ING5: variants seen among roughly 807,000 people sequenced by gnomAD.
ING5 encodes the protein inhibitor of growth protein 5.
In ING5, 17 loss-of-function variants were observed where a neutral mutation model predicts 37.4. The ratio of observed to expected loss-of-function variants is 0.45; its 90% CI spans 0.31 to 0.68. ING5 has a LOEUF of 0.68. Among genes scored for constraint, ING5 ranks in the 30% least tolerant of loss-of-function variants. The pLI, the probability that ING5 is intolerant of heterozygous loss-of-function variation, is 0.05. For missense variants in ING5, 233 were observed against 311.9 expected, an observed-to-expected ratio of 0.75 and a Z score of 1.91; for synonymous variants, 123 against 116.6, an observed-to-expected ratio of 1.06 and a Z score of -0.36.
chr2:241,713,106 G>T (rs2070163997), intron 5 of ING5, among the ~76,000 whole-genome samples: 1 of 150,880 alleles, frequency 6.6e-6, no homozygotes, highest in Non-Finnish European at 1.5e-5. Flanking sequence ...GCCCAAGCTG[G>T]AGTGCAATGG....
At chr2:241,698,792 G>C (rs2069669888), upstream of ING5, among the ~76,000 whole-genome samples, 2 of 152,112 alleles carry the variant, frequency 1.3e-5, no homozygotes, top group South Asian at 4.1e-4. Flanking sequence ...GCAATGGCAT[G>C]ATTTTGGCTC....
At chr2:241,719,128 G>A (rs1022568957) in intron 5 of ING5, among the ~76,000 whole-genome samples, 2 of 152,240 alleles carry the variant, frequency 1.3e-5, no homozygotes, top group Admixed American at 1.3e-4. Flanking sequence ...TGCCCCAGCG[G>A]CTTCCACAGT....
chr2:241,712,620 A>G (rs965913536), intron 5 of ING5, among the ~76,000 whole-genome samples: 2 of 152,204 alleles, frequency 1.3e-5, no homozygotes, highest in Admixed American at 6.6e-5. Flanking sequence ...AAGGTGTTGT[A>G]TACCCTCCAA....
Position 241,709,391 on chromosome 2 carries a change from G to C in ING5, c.276+9G>C. ...TGCAGACCTACGAGATGGTGAGGGC[G>C]GGGCGGGGGCCATGGCTCTTCCTCT... On this transcript the variant is annotated intron_variant, in intron 3 of 7. Coordinates refer to ENST00000313552, the MANE Select transcript of ING5 (RefSeq NM_032329.6). 1 of 1,607,138 alleles carries C rather than the reference G, an allele frequency of 6.2e-7. No homozygotes were observed. Among genetic ancestry groups the C allele is most frequent in the Non-Finnish European group, 8.5e-7 (1 of 1,176,536 alleles).
intron 5 of ING5, among the ~76,000 whole-genome samples, chr2:241,716,248 GT>G (rs938600467): frequency 1.8e-4 from 23 of 126,404 alleles, no homozygotes; most frequent in Admixed American, 3.1e-4. Context: ...TTAGTATTCC[GT>G]TTTTTTCCCC....
At chr2:241,697,643 C>T (rs976688926), upstream of ING5, among the ~76,000 whole-genome samples, 88 of 149,648 alleles carry the variant, frequency 5.9e-4, 1 homozygote, top group African/African-American at 2.1e-3. Flanking sequence ...AAACTGGAAA[C>T]AGTAAAATGA....
At chr2:241,721,601 C>G in intron 5 of ING5, 1 of 985,436 alleles carries the variant, frequency 1.0e-6, no homozygotes, top group Non-Finnish European at 1.2e-6. Flanking sequence ...CCTTGGCTTT[C>G]CCTGATCGTG....
At chr2:241,703,072 G>A (rs1249501355) in intron 1 of ING5, among the ~76,000 whole-genome samples, 1 of 152,196 alleles carries the variant, frequency 6.6e-6, no homozygotes, top group Non-Finnish European at 1.5e-5. Flanking sequence ...TGTCTCTTGG[G>A]GGTCTGAGTA....
intron 2 of ING5, among the ~76,000 whole-genome samples, chr2:241,691,065 C>T (rs2069546249): frequency 6.6e-6 from 1 of 151,964 alleles, no homozygotes; most frequent in Non-Finnish European, 1.5e-5. Context: ...CTGCCTCAGC[C>T]TCCCAAAGCG....
chr2:241,722,674 C>T (rs1446139902), intron 5 of ING5: 2 of 985,300 alleles, frequency 2.0e-6, no homozygotes, highest in East Asian at 1.1e-4. Context: ...AAGAAAACGT[C>T]CACAAGGTGT....
rs2070265965 is a variant in ING5 at position 241,716,283 on chromosome 2, T to C, written c.482+4212T>C. Among the ~76,000 whole-genome samples the C allele has an allele frequency of 7.4e-5, 2 of 26,984 alleles. 1 individual carries two copies. Among genetic ancestry groups the C allele is most frequent in the Admixed American group, 5.8e-4 (2 of 3,440 alleles). 17.7% of individuals were successfully genotyped at this position (26,984 alleles called of 152,430 possible). On this transcript the variant is annotated intron_variant, in intron 5 of 7. Transcript: ENST00000313552. ...CCACTCTTGTCTTATTAGCCATGCT[T>C]TTTTTTTTTTTTTTTTTTTTGAGAC...
At chr2:241,702,018 C>T, upstream of ING5, 1 of 1,328,034 alleles carries the variant, frequency 7.5e-7, no homozygotes, top group Non-Finnish European at 9.6e-7. Flanking sequence ...CCCCGCCTCC[C>T]GCGGCACCGC....
upstream of ING5, chr2:241,702,031 G>T (rs1198667618): frequency 7.4e-7 from 1 of 1,352,608 alleles, no homozygotes; most frequent in South Asian, 1.6e-5. Context: ...GGCACCGCCC[G>T]CCCGCGCAGA....
chr2:241,721,253 C>T (rs2070428041), intron 5 of ING5: 2 of 985,512 alleles, frequency 2.0e-6, no homozygotes, highest in Non-Finnish European at 2.4e-6. Context: ...CCCTTGCGTG[C>T]TGCTGTCAGA....
At chr2:241,701,939 C>T (rs1270411147), upstream of ING5, 2 of 482,398 alleles carry the variant, frequency 4.1e-6, no homozygotes, top group African/African-American at 2.1e-5. Context: ...GCGTGTCCGA[C>T]CCCGCCCCCG....
At chr2:241,693,295 T>C (rs1437140311) in intron 2 of ING5, among the ~76,000 whole-genome samples, 3 of 148,156 alleles carry the variant, frequency 2.0e-5, no homozygotes, top group African/African-American at 7.4e-5. Flanking sequence ...AAGGGCCCTA[T>C]CTACAAACAG....
At chr2:241,711,064 T>G (rs1254783851) in intron 3 of ING5, among the ~76,000 whole-genome samples, 1 of 152,172 alleles carries the variant, frequency 6.6e-6, no homozygotes, top group Non-Finnish European at 1.5e-5. Flanking sequence ...GTAGCCATAT[T>G]TTAAAGTAGG....
upstream of ING5, among the ~76,000 whole-genome samples, chr2:241,700,192 T>C (rs566320286): frequency 2.8e-5 from 4 of 144,432 alleles, no homozygotes; most frequent in East Asian, 8.6e-4. Context: ...AGTGTTGCTC[T>C]GTCGCCCAGG....
chr2:241,702,446 G>A (rs1298849352), intron 1 of ING5, among the ~76,000 whole-genome samples: 1 of 150,322 alleles, frequency 6.7e-6, no homozygotes, highest in African/African-American at 2.4e-5. Context: ...CCCCAGCTCC[G>A]GCCCCGGCCC....
Sources: allele counts gnomAD v4.1 joint callset (sites outside exome capture counted in the v4.1 genomes callset), GRCh38; gene constraint gnomAD v4.1.1; transcripts MANE v1.5; gene names NCBI Gene and HGNC (gene_info 2026-07-23, HGNC 2026-07-21).